Variants in ILDR2 observed in about 807,000 individuals in gnomAD.
ILDR2 encodes the protein immunoglobulin like domain containing receptor 2.
Under a neutral mutation model 66.8 loss-of-function variants are expected in ILDR2, and 25 were observed. That is an observed-to-expected ratio of 0.37 (90% CI 0.27 to 0.52). The LOEUF (loss-of-function observed/expected upper bound fraction) is 0.52. ILDR2 is among the 20% of genes least tolerant of loss of function. The pLI is 0.88. For synonymous variants in ILDR2, 367 were observed against 357.2 expected (o/e 1.03, Z -0.31); for missense variants, 827 against 876.8 (o/e 0.94, Z 0.72).
intron 6 of ILDR2, among the ~76,000 whole-genome samples, chr1:166,931,139 GC>G (rs1386153100): frequency 1.3e-5 from 2 of 152,158 alleles, no homozygotes; most frequent in Non-Finnish European, 2.9e-5. Context: ...TCACTTTGAT[GC>G]CAAACTATAA....
chr1:166,933,117 C>G (rs766089891), intron 6 of ILDR2, among the ~76,000 whole-genome samples: 1 of 152,206 alleles, frequency 6.6e-6, no homozygotes, highest in Non-Finnish European at 1.5e-5. Flanking sequence ...CCTCTTTTTC[C>G]TTGCTAACAG....
At chr1:166,963,374 G>T (rs1662740158) in intron 1 of ILDR2, among the ~76,000 whole-genome samples, 1 of 152,222 alleles carries the variant, frequency 6.6e-6, no homozygotes, top group South Asian at 2.1e-4. Context: ...TATAGACGAA[G>T]AGACTGATGC....
chr1:166,913,015 G>A lies in ILDR2; in HGVS notation c.*6340C>T, dbSNP rs987247229. 6.6e-6 allele frequency: 1 copy of A among 152,172 alleles called. No individual in the cohort carries two copies. The highest frequency in any genetic ancestry group is 1.5e-5 in the Non-Finnish European group (1 of 68,052). The allele number at this position is 152,172 out of a possible 1,614,324, so 9.4% of individuals were successfully genotyped here. A position where few individuals can be genotyped will look rare whatever the true frequency, so the allele number is the denominator to read the frequency against. On this transcript the variant is annotated 3_prime_UTR_variant, in exon 10 of 10. Coordinates refer to ENST00000271417, the MANE Select transcript of ILDR2 (RefSeq NM_199351.3). The stretch of plus-strand genomic sequence containing the variant: ...GAATTTATCTAGCTTATTACAATCT[G>A]TAAAAGCATACCTTTTGCTCTGTCA...
At chr1:166,973,855 A>G (rs909307348) in intron 1 of ILDR2, among the ~76,000 whole-genome samples, 1 of 152,116 alleles carries the variant, frequency 6.6e-6, no homozygotes, top group African/African-American at 2.4e-5. Context: ...AAGCAGCCAA[A>G]AGAAGAGGCT....
chr1:166,924,867 T>C (rs1035537668), intron 7 of ILDR2, among the ~76,000 whole-genome samples: 1 of 151,904 alleles, frequency 6.6e-6, no homozygotes, highest in African/African-American at 2.4e-5. Flanking sequence ...AATTAAAAAA[T>C]TAGTTGTGCA....
intron 1 of ILDR2, among the ~76,000 whole-genome samples, chr1:166,966,444 C>T (rs1037714267): frequency 6.6e-6 from 1 of 152,178 alleles, no homozygotes; most frequent in African/African-American, 2.4e-5. Context: ...ATATGTCACT[C>T]TTTTCCAAAG....
At chr1:166,923,279 G>A (rs1191982104) in intron 7 of ILDR2, among the ~76,000 whole-genome samples, 1 of 152,200 alleles carries the variant, frequency 6.6e-6, no homozygotes, top group Non-Finnish European at 1.5e-5. Flanking sequence ...GTCCTAAGAT[G>A]GACCTTCAGA....
In ILDR2 at chr1:166,922,792, C is replaced by T. The variant is rs769011043; in HGVS notation, c.1012G>A (p.Glu338Lys). The T allele has an allele frequency of 4.6e-5, 74 of 1,613,988 alleles. No individual in the cohort carries two copies. Among genetic ancestry groups the T allele is most frequent in the Non-Finnish European group, 6.0e-5 (71 of 1,179,994 alleles). Residue 338 changes from glutamate (E) to lysine (K), a missense_variant, in exon 8 of 10, where the codon GAA (glutamate) becomes AAA (lysine). By Grantham distance (56) the Glu-to-Lys change is moderately conservative (BLOSUM62 1). Coordinates refer to ENST00000271417, the MANE Select transcript of ILDR2 (RefSeq NM_199351.3). ...MRGRYNNTISELSSLHEEDSN... is the reference protein window; with the variant it reads ...MRGRYNNTISKLSSLHEEDSN... ...TCCTCCTCATGTAGGGAGCTGAGTT[C>T]TGAGATGGTGTTGTTATCTGCAGGG...
At chr1:166,968,713 G>A (rs1161815859) in intron 1 of ILDR2, among the ~76,000 whole-genome samples, 1 of 152,024 alleles carries the variant, frequency 6.6e-6, no homozygotes, top group African/African-American at 2.4e-5. Context: ...AGCTTTAAAG[G>A]CATTTGTGTG....
chr1:166,896,546 AT>A (rs1338996821), intron 2 of ILDR2, among the ~76,000 whole-genome samples: 2 of 11,982 alleles, frequency 1.7e-4, no homozygotes, highest in African/African-American at 3.0e-4. Context: ...ATGGAAACAG[AT>A]ATATATATAT....
At chr1:166,947,466 C>T (rs1661691350) in intron 3 of ILDR2, among the ~76,000 whole-genome samples, 1 of 152,266 alleles carries the variant, frequency 6.6e-6, no homozygotes, top group Non-Finnish European at 1.5e-5. Flanking sequence ...CAGACCCTCT[C>T]ATGGGAAGCC....
intron 4 of ILDR2, among the ~76,000 whole-genome samples, chr1:166,937,187 GTC>G (rs1335061260): frequency 6.6e-6 from 1 of 152,146 alleles, no homozygotes; most frequent in African/African-American, 2.4e-5. Context: ...CTCTATAAAA[GTC>G]TAAGTCCTGA....
At chr1:166,960,843 T>G (rs958430045) in intron 1 of ILDR2, among the ~76,000 whole-genome samples, 1 of 152,206 alleles carries the variant, frequency 6.6e-6, no homozygotes, top group African/African-American at 2.4e-5. Flanking sequence ...GAAAATAAAT[T>G]TCTTTATAGT....
chr1:166,929,805 G>T (rs139656204), intron 6 of ILDR2, among the ~76,000 whole-genome samples: 1 of 152,326 alleles, frequency 6.6e-6, no homozygotes, highest in East Asian at 1.9e-4. Context: ...AGCAGATGAG[G>T]CCATATGGGC....
Position 166,975,348 on chromosome 1 carries a change from G to T in ILDR2, c.-80C>A. 7.6e-7 allele frequency: 1 copy of T among 1,310,518 alleles called. No individual in the cohort carries two copies. Among genetic ancestry groups the T allele is most frequent in the Non-Finnish European group, 1.0e-6 (1 of 961,208 alleles). The allele number at this position is 1,310,518 out of a possible 1,614,324, so 81.2% of individuals were successfully genotyped here. ...ACAGAAGGATCGCTGTCACCCCGCG[G>T]CAGCGGGCGGCGGCGGAGCGGCGGG... On this transcript the variant is annotated 5_prime_UTR_variant, in exon 1 of 10. Transcript: ENST00000271417.
At chr1:166,933,484 G>C (rs1180282407) in intron 6 of ILDR2, 1 of 894,346 alleles carries the variant, frequency 1.1e-6, no homozygotes, top group Non-Finnish European at 1.3e-6. Context: ...ACCAACCCTG[G>C]AACTACCTTA....
intron 6 of ILDR2, 69 bp downstream of exon 6, chr1:166,935,232 C>T (rs1660875220): frequency 6.6e-7 from 1 of 1,508,556 alleles, no homozygotes; most frequent in Non-Finnish European, 9.2e-7. Flanking sequence ...ACTGACTGTT[C>T]TTAACAACAA....
chr1:166,955,844 C>T (rs1451346630), intron 3 of ILDR2, among the ~76,000 whole-genome samples: 3 of 152,134 alleles, frequency 2.0e-5, no homozygotes, highest in African/African-American at 7.2e-5. Flanking sequence ...CAAATTACTC[C>T]AAATTGCTAT....
At position 166,921,031 on chromosome 1, in the gene ILDR2, G is replaced by T. The variant is rs778427345; in HGVS notation, c.1560C>A (p.Thr520=). Residue 520 remains threonine, a synonymous_variant, in exon 9 of 10, where the codon ACC becomes ACA. Transcript: ENST00000271417. The surrounding 1 kb of genome is among the most constrained non-coding windows in gnomAD (Gnocchi z 5.3). ...LPRLVSRTPG[T]APKYDHSYLG... ...GGTACGAGTGGTCGTATTTGGGTGC[G>T]GTGCCTGGCGTGCGGCTCACCAGCC... is the stretch of plus-strand genomic sequence containing the variant. 2 of 1,511,704 alleles carry T rather than the reference G, an allele frequency of 1.3e-6. No homozygotes were observed. The highest frequency in any genetic ancestry group is 1.2e-5 in the South Asian group (1 of 80,744). The allele number at this position is 1,511,704 out of a possible 1,614,324, so 93.6% of individuals were successfully genotyped here. A position where few individuals can be genotyped will look rare whatever the true frequency, so the allele number is the denominator to read the frequency against.
Sources: allele counts gnomAD v4.1 joint callset (sites outside exome capture counted in the v4.1 genomes callset), GRCh38; gene constraint gnomAD v4.1.1; non-coding constraint Gnocchi (gnomAD v3.1); transcripts MANE v1.5; gene names NCBI Gene and HGNC (gene_info 2026-07-23, HGNC 2026-07-21).